The following GRK1 variants were observed in gnomAD, a reference collection of about 807,000 sequenced individuals.
GRK1 encodes rhodopsin kinase GRK1.
Under a neutral mutation model 41.7 loss-of-function variants are expected in GRK1, and 28 were observed. The observed-to-expected ratio is 0.67, with a 90% CI of 0.50 to 0.92. GRK1 has a LOEUF of 0.92. Among genes scored for constraint, GRK1 ranks in the 40% least tolerant of loss-of-function variants. The pLI, the probability that GRK1 is intolerant of heterozygous loss-of-function variation, is 0.00. For missense variants in GRK1, 703 were observed against 671.2 expected, an observed-to-expected ratio of 1.05 and a Z score of -0.52; for synonymous variants, 327 against 286.7, an observed-to-expected ratio of 1.14 and a Z score of -1.42.
Position 113,667,735 on chromosome 13 carries a change from C to T in GRK1, c.349C>T (p.Pro117Ser). 2 of 1,613,946 alleles carry T rather than the reference C, an allele frequency of 1.2e-6. No homozygotes were observed. The highest frequency in any genetic ancestry group is 1.1e-5 in the South Asian group (1 of 91,086). Residue 117 changes from proline (P) to serine (S), a missense_variant, in exon 1 of 7, where the codon CCC (proline) becomes TCC (serine). Pro to Ser is a moderately conservative substitution (Grantham distance 74, BLOSUM62 -1). Transcript: ENST00000335678. This position sits in a 1 kb window ranked among gnomAD's most constrained non-coding sequence, Gnocchi z 7.5. Reference sequence around the variant, plus strand: ...GACCATCCTGGCCCAGTACCTGGACCCCCAGGCCAAACTCTTCTGCAGCTT... The same window carrying T: ...GACCATCCTGGCCCAGTACCTGGACTCCCAGGCCAAACTCTTCTGCAGCTT... ...AQTILAQYLD[P>S]QAKLFCSFLD...
rs367700592 is a variant in GRK1 at position 113,667,456 on chromosome 13, G to C, written c.70G>C (p.Gly24Arg). The C allele has an allele frequency of 2.5e-6, 4 of 1,607,958 alleles. No individual in the cohort carries two copies. Among genetic ancestry groups the C allele is most frequent in the African/African-American group, 1.3e-5 (1 of 74,788 alleles). The stretch of plus-strand genomic sequence containing the variant: ...CATCGCCGCCCGAGGCAGCTTTGAC[G>C]GCAGCAGCTCCCAACCCTCCCGGGA... ...AFIAARGSFD[G>R]SSSQPSRDKK... Residue 24 changes from glycine (G) to arginine (R), a missense_variant, in exon 1 of 7, where the codon GGC (glycine) becomes CGC (arginine). By Grantham distance (125) the Gly-to-Arg change is moderately radical. Coordinates refer to ENST00000335678, the MANE Select transcript of GRK1 (RefSeq NM_002929.3). This position sits in a 1 kb window ranked among gnomAD's most constrained non-coding sequence, Gnocchi z 7.5.
rs575684832 is a variant in GRK1, at chr13:113,733,592, T to C, written c.1396+507T>C. ...ATGTGTATGTGTGTGCATACGTGTG[T>C]GTGCATGTGTGCGCATGTGTATGTG... On this transcript the variant is annotated intron_variant, in intron 6 of 6. Transcript: ENST00000335678. 9.3e-5 allele frequency among the ~76,000 whole-genome samples: 14 copies of C among 151,278 alleles called. No individual in the cohort carries two copies. In the East Asian group the frequency reaches 1.2e-3, roughly 13 times the overall value.
Position 113,736,645 on chromosome 13 carries a change from C to T in GRK1, c.*1282C>T, listed in dbSNP as rs138453726. The T allele has an allele frequency of 0.16, 24,275 of 152,156 alleles. 2,243 individuals are homozygous for T. Among genetic ancestry groups the T allele is most frequent in the African/African-American group, 0.24 (9,804 of 41,462 alleles). 9.4% of individuals were successfully genotyped at this position (152,156 alleles called of 1,614,324 possible). A position where few individuals can be genotyped will look rare whatever the true frequency, so the allele number is the denominator to read the frequency against. On this transcript the variant is annotated 3_prime_UTR_variant, in exon 7 of 7. Transcript: ENST00000335678. ...GCCGCAGGGAAGCAGTGGTGATGGG[C>T]GGCCTGAGGACTCCTTTCCAGAGAG...
intron 3 of GRK1, among the ~76,000 whole-genome samples, chr13:113,672,175 G>A (rs1169323496): frequency 2.6e-5 from 4 of 151,976 alleles, no homozygotes; most frequent in Non-Finnish European, 4.4e-5. Context: ...CTGTGTGCGC[G>A]TATGTGGTTT....
intron 6 of GRK1, among the ~76,000 whole-genome samples, chr13:113,733,493 G>A (rs1566699245): frequency 1.3e-5 from 2 of 150,318 alleles, no homozygotes; most frequent in Admixed American, 1.3e-4. Flanking sequence ...GTGCGCGCGT[G>A]TGTGTATGTG....
upstream of GRK1, among the ~76,000 whole-genome samples, chr13:113,662,998 A>G (rs1566691613): frequency 6.6e-6 from 1 of 152,250 alleles, no homozygotes; most frequent in Admixed American, 6.5e-5. Context: ...ATTTTCTTGC[A>G]TATTTTGAAC....
chr13:113,723,224 C>T (rs2049867633), intron 4 of GRK1, 67 bp downstream of exon 4: 3 of 647,940 alleles, frequency 4.6e-6, no homozygotes, highest in African/African-American at 3.6e-5. Flanking sequence ...ATGTGTGTGC[C>T]TGTGTGCACT....
chr13:113,658,240 C>G, the GRK1 span: 2 of 1,256,858 alleles, frequency 1.6e-6, no homozygotes, highest in South Asian at 1.3e-5. Context: ...TTTCCTCTGC[C>G]AGAGGTCAAA....
intron 4 of GRK1, among the ~76,000 whole-genome samples, chr13:113,727,005 C>T (rs976934960): frequency 6.6e-6 from 1 of 152,250 alleles, no homozygotes; most frequent in Non-Finnish European, 1.5e-5. Context: ...CCCCCATGCC[C>T]CAGCCTGCGG....
At chr13:113,662,859 C>A (rs538067462), upstream of GRK1, among the ~76,000 whole-genome samples, 1 of 152,146 alleles carries the variant, frequency 6.6e-6, no homozygotes, top group Non-Finnish European at 1.5e-5. Context: ...ACAAAGAGAT[C>A]AATCTCCCCA....
the GRK1 span, chr13:113,649,276 G>A: frequency 9.1e-6 from 13 of 1,425,752 alleles, no homozygotes; most frequent in Admixed American, 1.9e-4. The surrounding 1 kb of genome is among the most constrained non-coding windows in gnomAD (Gnocchi z 4.7). Flanking sequence ...CCACTTTGGG[G>A]ATGATTTGGC....
At position 113,736,754 on chromosome 13, in the gene GRK1, A is replaced by C. The variant is rs2050007269; in HGVS notation, c.*1391A>C. 6.6e-6 allele frequency: 1 copy of C among 152,248 alleles called. No homozygotes were observed. The highest frequency in any genetic ancestry group is 6.5e-5 in the Admixed American group (1 of 15,282). The allele number at this position is 152,248 out of a possible 1,614,324, so 9.4% of individuals were successfully genotyped here. ...GTGGGAGAAGAAGCCTGACCCTGCC[A>C]CATGTGGTCACGGGGAGAGAAGATG... On this transcript the variant is annotated 3_prime_UTR_variant, in exon 7 of 7. Transcript: ENST00000335678.
chr13:113,663,073 G>A (rs2049799380), upstream of GRK1, among the ~76,000 whole-genome samples: 1 of 152,124 alleles, frequency 6.6e-6, no homozygotes, highest in African/African-American at 2.4e-5. Context: ...GGAGGACTCA[G>A]TCTACCCAAT....
chr13:113,733,671 A>ATG (rs2049960608), intron 6 of GRK1, among the ~76,000 whole-genome samples: 3 of 58,064 alleles, frequency 5.2e-5, no homozygotes, highest in East Asian at 6.0e-4. Context: ...GCGTGTGTGC[A>ATG]CGTGTGTGCA....
intron 5 of GRK1, 48 bp from the exon 6 acceptor site, chr13:113,732,836 C>T (rs2049946692): frequency 6.5e-7 from 1 of 1,531,560 alleles, no homozygotes; most frequent in Non-Finnish European, 8.7e-7. Context: ...GTCTGACCAC[C>T]CAAGAGAGGC....
intron 6 of GRK1, among the ~76,000 whole-genome samples, chr13:113,733,295 C>T (rs1029844322): frequency 6.6e-6 from 1 of 152,214 alleles, no homozygotes; most frequent in African/African-American, 2.4e-5. Flanking sequence ...CCAGAGGGCT[C>T]TGGGTGCAAT....
At chr13:113,733,929 T>C (rs868100856) in intron 6 of GRK1, among the ~76,000 whole-genome samples, 1 of 127,892 alleles carries the variant, frequency 7.8e-6, no homozygotes, top group South Asian at 2.4e-4. Context: ...TGTGTGCATG[T>C]GTGCATACGT....
chr13:113,672,421 TTCGTG>T (rs2049863826), intron 3 of GRK1, among the ~76,000 whole-genome samples: 18 of 146,548 alleles, frequency 1.2e-4, no homozygotes, highest in African/African-American at 2.7e-4. Flanking sequence ...ATGTGGTGTG[TTCGTG>T]GTGTGGTGTG....
chr13:113,729,990 G>A (rs1189917379), intron 4 of GRK1, among the ~76,000 whole-genome samples: 3 of 145,800 alleles, frequency 2.1e-5, no homozygotes, highest in African/African-American at 5.1e-5. Context: ...CAGTCCCCAC[G>A]GCTGAGCCCA....
Sources: allele counts gnomAD v4.1 joint callset (sites outside exome capture counted in the v4.1 genomes callset), GRCh38; gene constraint gnomAD v4.1.1; non-coding constraint Gnocchi (gnomAD v3.1); transcripts MANE v1.5; gene names NCBI Gene and HGNC (gene_info 2026-07-23, HGNC 2026-07-21).